The following SEPTIN10 variants were observed in gnomAD, a reference collection of about 807,000 sequenced individuals.
The protein encoded by SEPTIN10 is septin 10, also known as septin-10.
A neutral mutation model predicts 54.8 loss-of-function variants in SEPTIN10; 66 were observed. The observed-to-expected ratio is 1.21, with a 90% CI of 0.99 to 1.48. The LOEUF (loss-of-function observed/expected upper bound fraction) is 1.48, where lower values mean the gene tolerates loss of function less well. Ranked by LOEUF, SEPTIN10 falls within the 40% of genes most tolerant of loss-of-function variation. The probability of loss-of-function intolerance (pLI) is 0.00; values close to 1 mark genes in which losing one functional copy is unlikely to be tolerated. For synonymous variants in SEPTIN10, 161 were observed against 181.0 expected, an observed-to-expected ratio of 0.89 and a Z score of 0.89; for missense variants, 620 against 545.6, an observed-to-expected ratio of 1.14 and a Z score of -1.36.
chr2:109,590,424 C>CCT (rs1693768262), intron 2 of SEPTIN10, among the ~76,000 whole-genome samples: 1 of 146,670 alleles, frequency 6.8e-6, no homozygotes, highest in East Asian at 2.0e-4. Flanking sequence ...GAGGTAAATC[C>CCT]TTTTTTTTTT....
At chr2:109,588,120 GAC>G (rs1206004247) in intron 2 of SEPTIN10, among the ~76,000 whole-genome samples, 4 of 150,286 alleles carry the variant, frequency 2.7e-5, no homozygotes, top group African/African-American at 9.8e-5. Flanking sequence ...AAAAAAAAAA[GAC>G]ATCGTAGAAT....
intron 10 of SEPTIN10, chr2:109,545,700 T>A: frequency 6.8e-7 from 1 of 1,460,142 alleles, no homozygotes; most frequent in Non-Finnish European, 9.0e-7. Flanking sequence ...TAACTCATGG[T>A]AGGTCAGCAG....
chr2:109,554,017 A>G (rs1028966102), intron 8 of SEPTIN10, among the ~76,000 whole-genome samples: 3 of 152,248 alleles, frequency 2.0e-5, no homozygotes, highest in African/African-American at 4.8e-5. Context: ...TTCGTATGGT[A>G]TATTTCTGGT....
At chr2:109,605,929 A>G (rs1697834585) in intron 1 of SEPTIN10, among the ~76,000 whole-genome samples, 1 of 152,216 alleles carries the variant, frequency 6.6e-6, no homozygotes, top group Non-Finnish European at 1.5e-5. Flanking sequence ...GTTAGAATTA[A>G]CTGTATAGTA....
intron 1 of SEPTIN10, among the ~76,000 whole-genome samples, chr2:109,602,590 G>A (rs187004491): frequency 1.3e-5 from 2 of 151,124 alleles, no homozygotes; most frequent in Admixed American, 6.6e-5. Flanking sequence ...CAGGAGAATC[G>A]CTTGAACCTG....
At chr2:109,559,890 T>A (rs1685216035) in intron 8 of SEPTIN10, among the ~76,000 whole-genome samples, 1 of 150,698 alleles carries the variant, frequency 6.6e-6, no homozygotes, top group Non-Finnish European at 1.5e-5. Context: ...AGTCCAGACC[T>A]ATGTAGCCTC....
At position 109,549,537 on chromosome 2, in the gene SEPTIN10, C is replaced by T. The variant is rs115713496; in HGVS notation, c.1162-3300G>A. ...TTCATGGTTCCATTATTCACTACGACAGGCAGTTAATTCAAATACATTTTC... is the reference window on the plus strand; with the variant it reads ...TTCATGGTTCCATTATTCACTACGATAGGCAGTTAATTCAAATACATTTTC... On this transcript the variant is annotated intron_variant, in intron 9 of 10. Transcript: ENST00000397712. Among the ~76,000 whole-genome samples, 105 of 152,292 alleles carry T rather than the reference C, an allele frequency of 6.9e-4. 1 individual carries two copies. Among genetic ancestry groups the T allele is most frequent in the African/African-American group, 2.5e-3 (103 of 41,564 alleles).
intron 2 of SEPTIN10, among the ~76,000 whole-genome samples, chr2:109,592,815 A>G (rs1694381921): frequency 2.0e-5 from 3 of 152,070 alleles, no homozygotes; most frequent in Admixed American, 2.0e-4. Flanking sequence ...AAACAGAAAA[A>G]AAAATTTCCT....
At position 109,565,803 on chromosome 2, in the gene SEPTIN10, CTT is replaced by C. The variant is rs766275277; in HGVS notation, c.817_818del (p.Lys273AspfsTer17). 3 of 1,614,106 alleles carry C rather than the reference CTT, an allele frequency of 1.9e-6. No individual in the cohort carries two copies. The highest frequency in any genetic ancestry group is 1.7e-6 in the Non-Finnish European group (2 of 1,179,988). Reference protein sequence around the residue: ...GSMDEVKVGNKMVKARQYPWG... With the variant: ...GSMDEVKVGNXMVKARQYPWG... ...AAGGGTACTGGCGAGCTTTGACCAT[CTT>C]GTTTCCGACTTTTACCTCATCCATA... On this transcript the variant is annotated frameshift_variant, in exon 7 of 11. Transcript: ENST00000397712. LOFTEE classifies it high-confidence loss of function.
intron 1 of SEPTIN10, among the ~76,000 whole-genome samples, chr2:109,603,397 G>T (rs941210742): frequency 2.0e-5 from 3 of 152,036 alleles, no homozygotes; most frequent in Non-Finnish European, 4.4e-5. Flanking sequence ...GCCACGCCTG[G>T]CTAATTTTTT....
chr2:109,598,353 C>G (rs986229815), intron 1 of SEPTIN10, among the ~76,000 whole-genome samples: 2 of 151,938 alleles, frequency 1.3e-5, no homozygotes, highest in African/African-American at 4.8e-5. Flanking sequence ...TAGGCGTGAG[C>G]CACTGCGCCC....
At chr2:109,569,997 A>G (rs1687979153) in intron 5 of SEPTIN10, among the ~76,000 whole-genome samples, 1 of 151,918 alleles carries the variant, frequency 6.6e-6, no homozygotes, top group Non-Finnish European at 1.5e-5. Flanking sequence ...GTGTAAGTGA[A>G]AATTTCCCTA....
At chr2:109,545,502 T>C (rs1329422837) in intron 10 of SEPTIN10, 2 of 1,536,176 alleles carry the variant, frequency 1.3e-6, no homozygotes, top group African/African-American at 2.7e-5. Flanking sequence ...TCACAAGCTC[T>C]GACATCAATG....
intron 9 of SEPTIN10, among the ~76,000 whole-genome samples, chr2:109,548,340 T>A (rs1469892030): frequency 6.6e-6 from 1 of 152,174 alleles, no homozygotes; most frequent in Non-Finnish European, 1.5e-5. Context: ...ACATTTTAGT[T>A]CTGGGTAGAA....
rs150755567 is a variant in SEPTIN10, at chr2:109,567,759, A to G, written c.762+56T>C. 45 of 1,488,010 alleles carry G rather than the reference A, an allele frequency of 3.0e-5. No individual in the cohort carries two copies. The East Asian group carries it at 1.0e-3, about 33-fold the overall frequency. The allele number at this position is 1,488,010 out of a possible 1,614,324, so 92.2% of individuals were successfully genotyped here. ...TGTATTAGCAGCAATATTACTCACA[A>G]ATTACAGTTTTATTTTCACATGGAA... On this transcript the variant is annotated intron_variant, in intron 6 of 10. Coordinates refer to ENST00000397712, the MANE Select transcript of SEPTIN10 (RefSeq NM_144710.5).
intron 9 of SEPTIN10, among the ~76,000 whole-genome samples, chr2:109,549,366 G>A (rs961249948): frequency 2.6e-5 from 4 of 152,180 alleles, no homozygotes; most frequent in African/African-American, 9.7e-5. Flanking sequence ...CATCATTCAT[G>A]AGGTTGACTA....
intron 7 of SEPTIN10, 35 bp from the exon 8 acceptor site, chr2:109,564,569 G>A (rs974767723): frequency 6.9e-7 from 1 of 1,444,714 alleles, no homozygotes; most frequent in Admixed American, 2.3e-5. Flanking sequence ...AACAACACTG[G>A]ATTTTAATTC....
intron 6 of SEPTIN10, among the ~76,000 whole-genome samples, chr2:109,566,742 G>A (rs1056760173): frequency 6.6e-6 from 1 of 152,156 alleles, no homozygotes; most frequent in South Asian, 2.1e-4. Flanking sequence ...AGCAAAGTGG[G>A]AAGAAATGGC....
intron 3 of SEPTIN10, 94 bp downstream of exon 3, chr2:109,585,626 AT>A (rs1692314277): frequency 1.1e-6 from 1 of 892,428 alleles, no homozygotes; most frequent in African/African-American, 1.7e-5. Context: ...ATGATTTCAA[AT>A]TGATAACATG....
Sources: gnomAD v4.1 joint callset for allele counts (sites outside exome capture counted in the v4.1 genomes callset) on GRCh38, gnomAD v4.1.1 for gene constraint, MANE v1.5 for transcripts, NCBI Gene and HGNC (gene_info 2026-07-23, HGNC 2026-07-21) for gene names.